The following FTO variants were observed in gnomAD, a reference collection of about 807,000 sequenced individuals.
FTO encodes FTO alpha-ketoglutarate dependent dioxygenase, also known as alpha-ketoglutarate-dependent dioxygenase FTO.
In FTO, 47 loss-of-function variants were observed where a neutral mutation model predicts 63.9. The observed-to-expected ratio is 0.74, with a 90% CI of 0.58 to 0.94. FTO has a LOEUF of 0.94. Among genes scored for constraint, FTO ranks in the 40% least tolerant of loss-of-function variants. FTO has a pLI of 0.00. For missense variants in FTO, 562 were observed against 618.1 expected, an observed-to-expected ratio of 0.91 and a Z score of 0.96; for synonymous variants, 207 against 224.4, an observed-to-expected ratio of 0.92 and a Z score of 0.69.
intron 1 of FTO, among the ~76,000 whole-genome samples, chr16:53,765,426 G>T (rs1048607230): frequency 1.3e-5 from 2 of 151,700 alleles, no homozygotes; most frequent in Non-Finnish European, 2.9e-5. Context: ...GTGGTGGCAG[G>T]TGCCTGTAAT....
intron 1 of FTO, among the ~76,000 whole-genome samples, chr16:53,750,870 T>C (rs2076772953): frequency 6.6e-6 from 1 of 152,254 alleles, no homozygotes; most frequent in African/African-American, 2.4e-5. Context: ...ATGGGCAATA[T>C]GGAAGACAGT....
intron 3 of FTO, among the ~76,000 whole-genome samples, chr16:53,834,088 G>C (rs947303070): frequency 6.6e-6 from 1 of 151,728 alleles, no homozygotes; most frequent in Non-Finnish European, 1.5e-5. Context: ...GCAGTGGCGC[G>C]ATCTCAGCTC....
chr16:53,984,699 A>G lies in FTO; in HGVS notation c.1364+50590A>G, dbSNP rs116002783. Among the ~76,000 whole-genome samples, 534 of 152,294 alleles carry G rather than the reference A, an allele frequency of 3.5e-3. 2 individuals carry two copies. Among genetic ancestry groups the G allele is most frequent in the African/African-American group, 0.012 (495 of 41,564 alleles). ...CTTTCCCAGAGCCCCTAAAGCATCA[A>G]CTGAAGATGGTGTCCCTACTGCAGT... On this transcript the variant is annotated intron_variant, in intron 8 of 8. Transcript: ENST00000471389.
At chr16:53,767,150 T>C (rs1255391663) in intron 1 of FTO, among the ~76,000 whole-genome samples, 2 of 152,110 alleles carry the variant, frequency 1.3e-5, no homozygotes, top group Non-Finnish European at 2.9e-5. Flanking sequence ...CTGTTATAAG[T>C]GGTGTTTTTC....
chr16:53,747,427 C>A (rs2076675154), intron 1 of FTO, among the ~76,000 whole-genome samples: 1 of 152,060 alleles, frequency 6.6e-6, no homozygotes, highest in Admixed American at 6.6e-5. Context: ...ATTTGCATTT[C>A]TTTAATGATT....
intron 4 of FTO, among the ~76,000 whole-genome samples, chr16:53,860,918 G>A (rs933625861): frequency 4.4e-5 from 6 of 136,194 alleles, no homozygotes; most frequent in African/African-American, 1.5e-4. Flanking sequence ...ACACACACAC[G>A]TTTACTGTGA....
chr16:53,725,298 A>G (rs2076128393), intron 1 of FTO, among the ~76,000 whole-genome samples: 1 of 152,234 alleles, frequency 6.6e-6, no homozygotes, highest in South Asian at 2.1e-4. Context: ...TGAATATTAG[A>G]TAAGGAATTT....
At chr16:53,804,567 A>G (rs1364379757) in intron 1 of FTO, among the ~76,000 whole-genome samples, 2 of 151,398 alleles carry the variant, frequency 1.3e-5, no homozygotes, top group Non-Finnish European at 2.9e-5. Flanking sequence ...TTTTCTTCTT[A>G]TCTAAAGCAA....
At position 53,912,801 on chromosome 16, in the gene FTO, A is replaced by G. The variant is rs562626571; in HGVS notation, c.1240-21184A>G. Among the ~76,000 whole-genome samples, 8 of 152,324 alleles carry G rather than the reference A, an allele frequency of 5.3e-5. No individual in the cohort carries two copies. The East Asian group carries it at 1.5e-3, about 29-fold the overall frequency. On this transcript the variant is annotated intron_variant, in intron 7 of 8. Transcript: ENST00000471389. Reference sequence around the variant, plus strand: ...GTAGTGCTGGGATTAATTAAGTCTGATACGCCATCCAGTTGAAATTTACTA... The same window carrying G: ...GTAGTGCTGGGATTAATTAAGTCTGGTACGCCATCCAGTTGAAATTTACTA...
chr16:53,732,102 G>A (rs1262750557), intron 1 of FTO, among the ~76,000 whole-genome samples: 1 of 141,238 alleles, frequency 7.1e-6, no homozygotes. Context: ...AGGCTGGAGT[G>A]CAGTGGTGCG....
Position 53,771,329 on chromosome 16 carries a change from C to T in FTO, c.46-38811C>T, listed in dbSNP as rs141426181. Among the ~76,000 whole-genome samples the T allele has an allele frequency of 1.6e-3, 241 of 152,272 alleles. 1 individual carries two copies. The highest frequency in any genetic ancestry group is 5.5e-3 in the African/African-American group (228 of 41,574). On this transcript the variant is annotated intron_variant, in intron 1 of 8. Coordinates refer to ENST00000471389, the MANE Select transcript of FTO (RefSeq NM_001080432.3). ...CGTCTTTCCCATTCCACATTTCACC[C>T]ATCAGCAAATTCTGTTGCATCTGTC...
chr16:53,842,972 G>A (rs2079518181), intron 3 of FTO, among the ~76,000 whole-genome samples: 1 of 152,126 alleles, frequency 6.6e-6, no homozygotes, highest in Non-Finnish European at 1.5e-5. Context: ...ACTGCGCCCA[G>A]TCTGTACTTT....
chr16:53,851,545 A>C (rs2079797639), intron 4 of FTO, among the ~76,000 whole-genome samples: 1 of 152,130 alleles, frequency 6.6e-6, no homozygotes. Flanking sequence ...AACTATATGA[A>C]ATAAAATGTA....
At chr16:54,016,043 G>C (rs1209190963) in intron 8 of FTO, among the ~76,000 whole-genome samples, 2 of 152,166 alleles carry the variant, frequency 1.3e-5, no homozygotes, top group Non-Finnish European at 2.9e-5. Flanking sequence ...ACACATTCAT[G>C]TGTTCCTTCA....
intron 8 of FTO, among the ~76,000 whole-genome samples, chr16:54,083,440 C>T (rs150124620): frequency 0.019 from 2,944 of 152,256 alleles, 44 homozygotes; most frequent in Admixed American, 0.029. Context: ...CCTTTGATGA[C>T]ACAATAAAAA....
At chr16:54,077,446 G>A (rs2086027821) in intron 8 of FTO, among the ~76,000 whole-genome samples, 1 of 152,132 alleles carries the variant, frequency 6.6e-6, no homozygotes, top group Non-Finnish European at 1.5e-5. Context: ...ACACATCCGT[G>A]CCCCTGGAGC....
chr16:54,015,176 T>C (rs998017821), intron 8 of FTO, among the ~76,000 whole-genome samples: 1 of 152,142 alleles, frequency 6.6e-6, no homozygotes, highest in Non-Finnish European at 1.5e-5. Context: ...CATGTTTTAA[T>C]GGAGAGAGAT....
At chr16:53,912,525 G>A (rs111604771) in intron 7 of FTO, among the ~76,000 whole-genome samples, 11 of 152,338 alleles carry the variant, frequency 7.2e-5, no homozygotes, top group African/African-American at 2.6e-4. Context: ...TTAGAGAGGA[G>A]TGTGGGGAAA....
chr16:53,931,870 A>AC (rs1474173193), intron 7 of FTO, among the ~76,000 whole-genome samples: 115 of 124,220 alleles, frequency 9.3e-4, no homozygotes, highest in African/African-American at 4.0e-3. Flanking sequence ...TTTTTACATT[A>AC]AACACACACA....
Sources: allele counts gnomAD v4.1 joint callset (sites outside exome capture counted in the v4.1 genomes callset), GRCh38; gene constraint gnomAD v4.1.1; transcripts MANE v1.5; gene names NCBI Gene and HGNC (gene_info 2026-07-23, HGNC 2026-07-21).